The following DHX35 variants were observed in gnomAD, a reference collection of about 807,000 sequenced individuals.
DHX35 encodes the protein DEAH-box helicase 35.
In DHX35, 84 loss-of-function variants were observed where a neutral mutation model predicts 99.6. That is an observed-to-expected ratio of 0.84 (90% CI 0.71 to 1.01). DHX35 has a LOEUF of 1.01. Among genes scored for constraint, DHX35 ranks in the 50% least tolerant of loss-of-function variants. The pLI is 0.00. For missense variants in DHX35, 852 were observed against 888.5 expected, an observed-to-expected ratio of 0.96 and a Z score of 0.52; for synonymous variants, 331 against 316.2, an observed-to-expected ratio of 1.05 and a Z score of -0.50.
chr20:39,033,236 T>A (rs894273266), intron 20 of DHX35, among the ~76,000 whole-genome samples: 10 of 152,120 alleles, frequency 6.6e-5, no homozygotes, highest in Admixed American at 2.6e-4. Flanking sequence ...ACCCTGCCTT[T>A]AAAAAATTTT....
chr20:38,973,427 A>G (rs1438680447), intron 3 of DHX35, among the ~76,000 whole-genome samples: 3 of 152,248 alleles, frequency 2.0e-5, no homozygotes, highest in Non-Finnish European at 2.9e-5. Flanking sequence ...GAAGCAGAAC[A>G]TTACCAAAAC....
At chr20:39,016,500 C>G (rs1376850160) in intron 14 of DHX35, among the ~76,000 whole-genome samples, 1 of 152,198 alleles carries the variant, frequency 6.6e-6, no homozygotes, top group Non-Finnish European at 1.5e-5. Flanking sequence ...GAATAATATT[C>G]TGTTGTATGG....
At chr20:39,012,452 A>G (rs912078551) in intron 13 of DHX35, among the ~76,000 whole-genome samples, 8 of 152,214 alleles carry the variant, frequency 5.3e-5, no homozygotes, top group Non-Finnish European at 1.2e-4. Flanking sequence ...TCAAATTTCA[A>G]CTATCATTAG....
intron 4 of DHX35, among the ~76,000 whole-genome samples, chr20:38,984,344 C>G (rs1438255475): frequency 2.0e-5 from 3 of 152,154 alleles, no homozygotes; most frequent in East Asian, 1.9e-4. Context: ...ATTTCACCAT[C>G]CAACATAAAC....
intron 15 of DHX35, among the ~76,000 whole-genome samples, chr20:39,020,425 T>G (rs1007629191): frequency 6.6e-6 from 1 of 152,196 alleles, no homozygotes; most frequent in Non-Finnish European, 1.5e-5. Flanking sequence ...ACATGGGTTC[T>G]AGGTTAAAAG....
intron 8 of DHX35, among the ~76,000 whole-genome samples, chr20:39,001,319 G>A (rs1362192794): frequency 1.3e-5 from 2 of 152,166 alleles, no homozygotes; most frequent in Non-Finnish European, 2.9e-5. Context: ...GATCATATCT[G>A]TGTTTTCCAG....
intron 2 of DHX35, among the ~76,000 whole-genome samples, chr20:38,969,800 C>T (rs1490217172): frequency 6.6e-6 from 1 of 152,208 alleles, no homozygotes; most frequent in African/African-American, 2.4e-5. Flanking sequence ...CAGAACTGTT[C>T]ATTTATGGCT....
intron 8 of DHX35, among the ~76,000 whole-genome samples, chr20:38,995,424 T>A (rs947579519): frequency 4.6e-5 from 7 of 151,982 alleles, no homozygotes; most frequent in African/African-American, 1.7e-4. Flanking sequence ...CTTGGGAGGC[T>A]GAGGCAGGAG....
chr20:38,962,375 C>T lies in DHX35; in HGVS notation c.8C>T (p.Ala3Val), dbSNP rs1378444197. 1.2e-6 allele frequency: 2 copies of T among 1,612,720 alleles called. No homozygotes were observed. Among genetic ancestry groups the T allele is most frequent in the South Asian group, 1.1e-5 (1 of 90,892 alleles). The change falls in exon 1 of 22, where the codon GCG becomes GTG. Residue 3 changes from alanine to valine, a missense_variant. Physicochemically the swap from Ala to Val is moderately conservative, Grantham distance 64. Coordinates refer to ENST00000252011, the MANE Select transcript of DHX35 (RefSeq NM_021931.4). Reference protein sequence around the residue: MAAPVGPVKFWRP... With the variant: MAVPVGPVKFWRP... Reference sequence around the variant, plus strand: ...GTGACCTTTTACCCCAACATGGCTGCGCCCGTGGGACCGGTGAAGTTCTGG... The same window carrying T: ...GTGACCTTTTACCCCAACATGGCTGTGCCCGTGGGACCGGTGAAGTTCTGG...
At chr20:38,970,394 G>A (rs570136392) in intron 2 of DHX35, among the ~76,000 whole-genome samples, 1 of 152,318 alleles carries the variant, frequency 6.6e-6, no homozygotes, top group East Asian at 1.9e-4. Flanking sequence ...TGAACTGACT[G>A]TCTCTGGGTT....
rs1407326594 is a variant in DHX35 at position 38,964,754 on chromosome 20, C to G, written c.40+2347C>G. Reference sequence around the variant, plus strand: ...TGACTTCAGTGTTTTTAAGCAGGAACAAATCAGGTTTACTTTAGAAAGATA... The same window carrying G: ...TGACTTCAGTGTTTTTAAGCAGGAAGAAATCAGGTTTACTTTAGAAAGATA... On this transcript the variant is annotated intron_variant, in intron 1 of 21. Coordinates refer to ENST00000252011, the MANE Select transcript of DHX35 (RefSeq NM_021931.4). Among the ~76,000 whole-genome samples, 4 of 152,190 alleles carry G rather than the reference C, an allele frequency of 2.6e-5. No homozygotes were observed. The East Asian group carries it at 7.7e-4, about 29-fold the overall frequency.
At chr20:38,982,925 ATTT>A (rs547151407) in intron 3 of DHX35, among the ~76,000 whole-genome samples, 6 of 142,110 alleles carry the variant, frequency 4.2e-5, no homozygotes, top group Non-Finnish European at 1.5e-5. Context: ...ACTTAATCAA[ATTT>A]TTTTTTTTTT....
intron 8 of DHX35, among the ~76,000 whole-genome samples, chr20:39,001,516 G>T (rs182352274): frequency 6.6e-6 from 1 of 152,132 alleles, no homozygotes; most frequent in Non-Finnish European, 1.5e-5. Flanking sequence ...TAAAACTTTA[G>T]TAAAGACACT....
intron 9 of DHX35, among the ~76,000 whole-genome samples, chr20:39,002,304 A>G (rs2086533628): frequency 6.6e-6 from 1 of 152,242 alleles, no homozygotes; most frequent in African/African-American, 2.4e-5. Context: ...AAAAAAGACC[A>G]GGAGCCTGTT....
intron 8 of DHX35, among the ~76,000 whole-genome samples, chr20:38,998,010 G>A (rs1378453674): frequency 6.6e-6 from 1 of 152,218 alleles, no homozygotes; most frequent in African/African-American, 2.4e-5. Context: ...GGGTGGCCCA[G>A]CCTGCAGACA....
At chr20:39,023,952 G>C (rs745948614) in intron 17 of DHX35, among the ~76,000 whole-genome samples, 185 bp downstream of exon 17, 1 of 152,202 alleles carries the variant, frequency 6.6e-6, no homozygotes, top group South Asian at 2.1e-4. Context: ...TTGTGGTGAG[G>C]TATTGCTGAG....
intron 1 of DHX35, among the ~76,000 whole-genome samples, chr20:38,965,273 C>T (rs1232305299): frequency 6.6e-6 from 1 of 152,212 alleles, no homozygotes; most frequent in Non-Finnish European, 1.5e-5. Flanking sequence ...GTCACAGTAT[C>T]TCTGTGATGA....
intron 2 of DHX35, among the ~76,000 whole-genome samples, 164 bp from the exon 3 acceptor site, chr20:38,972,395 C>A (rs987161356): frequency 2.0e-5 from 3 of 152,176 alleles, no homozygotes; most frequent in African/African-American, 7.2e-5. Context: ...TGTATTCGCT[C>A]ATACTGAGAG....
At chr20:38,969,338 T>A in intron 2 of DHX35, 124 bp downstream of exon 2, 5 of 1,172,426 alleles carry the variant, frequency 4.3e-6, no homozygotes, top group Non-Finnish European at 5.7e-6. Context: ...AAACCCTTAC[T>A]GTAAGGGATG....
Sources: allele counts gnomAD v4.1 joint callset (sites outside exome capture counted in the v4.1 genomes callset), GRCh38; gene constraint gnomAD v4.1.1; transcripts MANE v1.5; gene names NCBI Gene and HGNC (gene_info 2026-07-23, HGNC 2026-07-21).